RIC3: variants seen among roughly 807,000 people sequenced by gnomAD.
RIC3 encodes the protein RIC3 acetylcholine receptor chaperone, also known as protein RIC-3.
In RIC3, 28 loss-of-function variants were observed where a neutral mutation model predicts 27.3. That is an observed-to-expected ratio of 1.02 (90% CI 0.76 to 1.41). RIC3 has a LOEUF of 1.41. Among genes scored for constraint, RIC3 ranks in the 40% most tolerant of loss-of-function variants. The pLI is 0.00. For synonymous variants in RIC3, 184 were observed against 160.4 expected (o/e 1.15, Z -1.11); for missense variants, 501 against 444.7 (o/e 1.13, Z -1.14).
At chr11:8,104,030 G>C (rs1944415845), downstream of RIC3, 1 of 152,230 alleles carries the variant, frequency 6.6e-6, no homozygotes, top group Non-Finnish European at 1.5e-5. Context: ...TGAATGACAA[G>C]CATCAGTAGC....
At chr11:8,157,384 C>T (rs1304372948) in intron 1 of RIC3, among the ~76,000 whole-genome samples, 1 of 152,182 alleles carries the variant, frequency 6.6e-6, no homozygotes, top group Admixed American at 6.5e-5. Context: ...GTACCACATC[C>T]TTAAACCATC....
At chr11:8,094,683 G>A in the RIC3 span, among the ~76,000 whole-genome samples, 2 of 152,182 alleles carry the variant, frequency 1.3e-5, no homozygotes, top group Admixed American at 1.3e-4. Context: ...TGTTCCCTCT[G>A]CTCCTCTTTC....
At chr11:8,114,462 C>T (rs556909628) in intron 5 of RIC3, among the ~76,000 whole-genome samples, 1 of 151,944 alleles carries the variant, frequency 6.6e-6, no homozygotes, top group East Asian at 1.9e-4. Context: ...AAAAATTAGC[C>T]GGGCGTGGTG....
At chr11:8,168,748 G>T in intron 1 of RIC3, 118 bp downstream of exon 1, 1 of 1,404,370 alleles carries the variant, frequency 7.1e-7, no homozygotes, top group Admixed American at 2.6e-5. Flanking sequence ...GCCCTCTCCA[G>T]TCAGTTTGGT....
At chr11:8,093,590 T>C in the RIC3 span, among the ~76,000 whole-genome samples, 1 of 152,150 alleles carries the variant, frequency 6.6e-6, no homozygotes, top group Non-Finnish European at 1.5e-5. Context: ...CAGCCTCCCA[T>C]GGGCTCATCC....
chr11:8,125,236 A>G lies in RIC3; in HGVS notation c.670+1423T>C, dbSNP rs182293717. 4.3e-3 allele frequency among the ~76,000 whole-genome samples: 647 copies of G among 151,460 alleles called. 9 individuals are homozygous for G. The highest frequency in any genetic ancestry group is 0.015 in the African/African-American group (621 of 41,296). Reference sequence around the variant, plus strand: ...ACCACTGCACTCCGGCCTGGGTGACAGAGCAAGACTCTGTCTCAAAAAAAA... The same window carrying G: ...ACCACTGCACTCCGGCCTGGGTGACGGAGCAAGACTCTGTCTCAAAAAAAA... On this transcript the variant is annotated intron_variant, in intron 5 of 5. Coordinates refer to ENST00000309737, the MANE Select transcript of RIC3 (RefSeq NM_001206671.4).
rs539029684 is a variant in RIC3, at chr11:8,121,147, T to C, written c.670+5512A>G. On this transcript the variant is annotated intron_variant, in intron 5 of 5. Coordinates refer to ENST00000309737, the MANE Select transcript of RIC3 (RefSeq NM_001206671.4). ...GGAATTTAATGCTGCCGTTAAGAAATGACACTTAAAACAGAAAAGGTTAAT... is the reference window on the plus strand; with the variant it reads ...GGAATTTAATGCTGCCGTTAAGAAACGACACTTAAAACAGAAAAGGTTAAT... Among the ~76,000 whole-genome samples the C allele has an allele frequency of 3.3e-5, 5 of 152,240 alleles. No homozygotes were observed. In the East Asian group the frequency reaches 9.6e-4, roughly 29 times the overall value.
At chr11:8,114,171 T>C (rs1185047150) in intron 5 of RIC3, among the ~76,000 whole-genome samples, 3 of 152,132 alleles carry the variant, frequency 2.0e-5, no homozygotes, top group Non-Finnish European at 2.9e-5. Context: ...AAAGCCAGAA[T>C]GCAAAAACCA....
downstream of RIC3, chr11:8,104,254 T>C (rs903327449): frequency 3.9e-5 from 6 of 152,242 alleles, no homozygotes; most frequent in African/African-American, 1.4e-4. Flanking sequence ...TATTGGGCAG[T>C]TGGGAGTGAG....
At chr11:8,129,332 T>A (rs748106389) in intron 4 of RIC3, among the ~76,000 whole-genome samples, 10 of 152,088 alleles carry the variant, frequency 6.6e-5, no homozygotes, top group Admixed American at 6.6e-4. Context: ...CCTCAGGAAG[T>A]TGACCCAGTA....
intron 1 of RIC3, among the ~76,000 whole-genome samples, chr11:8,147,973 C>G (rs1340630158): frequency 6.6e-6 from 1 of 152,132 alleles, no homozygotes; most frequent in Non-Finnish European, 1.5e-5. Context: ...GATCTGCCCC[C>G]CTTGGTCTCC....
At chr11:8,147,768 A>G (rs932246487) in intron 1 of RIC3, among the ~76,000 whole-genome samples, 4 of 135,604 alleles carry the variant, frequency 2.9e-5, no homozygotes, top group South Asian at 2.3e-4. Context: ...TTGCTCTGTC[A>G]CCAGGCTGGA....
chr11:8,098,604 A>G, the RIC3 span, among the ~76,000 whole-genome samples: 2 of 152,210 alleles, frequency 1.3e-5, no homozygotes, highest in Non-Finnish European at 2.9e-5. Flanking sequence ...AAGTGTCTTC[A>G]AAGATGTGGA....
chr11:8,154,091 T>C (rs141180742), intron 1 of RIC3, among the ~76,000 whole-genome samples: 207 of 152,252 alleles, frequency 1.4e-3, no homozygotes, highest in African/African-American at 4.5e-3. Context: ...AAATTTCTAG[T>C]GGGAATTTTT....
chr11:8,130,602 C>T (rs1378726530), intron 4 of RIC3, among the ~76,000 whole-genome samples: 1 of 152,138 alleles, frequency 6.6e-6, no homozygotes. Context: ...AACTTGCCCC[C>T]ACTTTTCCAC....
chr11:8,110,556 A>G lies in RIC3; in HGVS notation c.*142T>C. 1.3e-6 allele frequency: 1 copy of G among 778,314 alleles called. No individual in the cohort carries two copies. The highest frequency in any genetic ancestry group is 2.3e-6 in the Non-Finnish European group (1 of 443,480). The allele number at this position is 778,314 out of a possible 1,614,324, so 48.2% of individuals were successfully genotyped here. A position where few individuals can be genotyped will look rare whatever the true frequency, so the allele number is the denominator to read the frequency against. On this transcript the variant is annotated 3_prime_UTR_variant, in exon 6 of 6. Coordinates refer to ENST00000309737, the MANE Select transcript of RIC3 (RefSeq NM_001206671.4). ...CAGGTGTGTGAGCACCAGGAAGGAT[A>G]CATGATATCCATGATAGTGGCCTGA...
chr11:8,101,650 G>A, downstream of RIC3: 1 of 1,611,708 alleles, frequency 6.2e-7, no homozygotes, highest in Non-Finnish European at 8.5e-7. Context: ...GGGTTGCCCA[G>A]CCTGGAGCGG....
downstream of RIC3, chr11:8,101,363 C>T: frequency 1.6e-6 from 2 of 1,285,104 alleles, no homozygotes; most frequent in East Asian, 2.3e-5. Context: ...CTTTGTGATT[C>T]CCCTGGCATC....
In RIC3 at chr11:8,140,200, A is replaced by C; in HGVS notation, c.125-7T>G. The C allele has an allele frequency of 6.2e-7, 1 of 1,608,628 alleles. No homozygotes were observed. Among genetic ancestry groups the C allele is most frequent in the Non-Finnish European group, 8.5e-7 (1 of 1,177,454 alleles). On this transcript the variant is annotated splice_polypyrimidine_tract_variant and splice_region_variant and intron_variant, in intron 1 of 5. Transcript: ENST00000309737. ...GGAAATCGGCCCAATTTTCCTGAGA[A>C]AATAATAATCACTTTTTATCTCTTC...
Sources: gnomAD v4.1 joint callset for allele counts (sites outside exome capture counted in the v4.1 genomes callset) on GRCh38, gnomAD v4.1.1 for gene constraint, MANE v1.5 for transcripts, NCBI Gene and HGNC (gene_info 2026-07-23, HGNC 2026-07-21) for gene names.